Variants in DIP2A observed in about 807,000 individuals in gnomAD.
The protein encoded by DIP2A is DIP2 acetate--CoA ligase A, also known as disco-interacting protein 2 homolog A.
A neutral mutation model predicts 177.4 loss-of-function variants in DIP2A; 85 were observed. The ratio of observed to expected loss-of-function variants is 0.48; its 90% CI spans 0.40 to 0.57. The LOEUF (loss-of-function observed/expected upper bound fraction) is 0.57, where lower values mean the gene tolerates loss of function less well. DIP2A is among the 20% of genes least tolerant of loss of function. DIP2A has a pLI of 0.00. For missense variants in DIP2A, 1,791 were observed against 2,100.2 expected, an observed-to-expected ratio of 0.85 and a Z score of 2.88; for synonymous variants, 886 against 881.8, an observed-to-expected ratio of 1.00 and a Z score of -0.08.
intron 8 of DIP2A, among the ~76,000 whole-genome samples, chr21:46,515,003 A>G (rs2148653920): frequency 6.6e-6 from 1 of 152,298 alleles, no homozygotes; most frequent in African/African-American, 2.4e-5. Context: ...CTTGGCCATA[A>G]TATCTTACCC....
intron 21 of DIP2A, among the ~76,000 whole-genome samples, chr21:46,548,952 G>A (rs2060165405): frequency 6.6e-6 from 1 of 152,210 alleles, no homozygotes; most frequent in Non-Finnish European, 1.5e-5. Context: ...TCACTTTATT[G>A]TGCAGTTGTA....
At position 46,459,036 on chromosome 21, in the gene DIP2A, T is replaced by G; in HGVS notation, c.-96T>G. The G allele has an allele frequency of 2.0e-6, 2 of 1,018,354 alleles. No homozygotes were observed. The highest frequency in any genetic ancestry group is 2.7e-6 in the Non-Finnish European group (2 of 752,030). The allele number at this position is 1,018,354 out of a possible 1,614,324, so 63.1% of individuals were successfully genotyped here. On this transcript the variant is annotated 5_prime_UTR_variant, in exon 1 of 38. Transcript: ENST00000417564. ...CGCTCCTCGCCTGGCGGATGTAGGTTGTTGGCCTGAGGGGAGCTACGTAGC... is the reference window on the plus strand; with the variant it reads ...CGCTCCTCGCCTGGCGGATGTAGGTGGTTGGCCTGAGGGGAGCTACGTAGC...
chr21:46,468,301 G>C (rs1304926501), intron 1 of DIP2A, among the ~76,000 whole-genome samples: 1 of 144,018 alleles, frequency 6.9e-6, no homozygotes, highest in South Asian at 2.3e-4. Flanking sequence ...GGTGGTGCAC[G>C]CCTATAATCC....
At chr21:46,542,923 G>C (rs11701310) in intron 18 of DIP2A, among the ~76,000 whole-genome samples, 29,762 of 152,252 alleles carry the variant, frequency 0.2, 3,407 homozygotes, top group East Asian at 0.42. Context: ...CTCAGGTGCA[G>C]ACCCTGTCTG....
At chr21:46,461,279 A>AAAAAAAAAAAAAAAAG (rs2054286165) in intron 1 of DIP2A, among the ~76,000 whole-genome samples, 1 of 147,920 alleles carries the variant, frequency 6.8e-6, no homozygotes, top group African/African-American at 2.5e-5. Context: ...ACCAAAAAAA[A>AAAAAAAAAAAAAAAAG]AAAAAAAAAA....
In DIP2A at chr21:46,511,523, C is replaced by T. The variant is rs754120931; in HGVS notation, c.1011C>T (p.Ala337=). ...AGVPRPPSLL[A]TLQRWGTTQP... ...TCCCCCGACCGCCGTCGCTGTTGGC[C>T]ACCTTGCAGCGCTGGGGCACAACAC... The change falls in exon 8 of 38, where the codon GCC becomes GCT. Residue 337 remains alanine, a synonymous_variant. Transcript: ENST00000417564. 6 of 1,612,048 alleles carry T rather than the reference C, an allele frequency of 3.7e-6. No homozygotes were observed. The African/African-American group carries it at 5.3e-5, about 14-fold the overall frequency.
chr21:46,554,758 C>T (rs2060399445), intron 27 of DIP2A, 62 bp downstream of exon 27: 1 of 1,545,398 alleles, frequency 6.5e-7, no homozygotes, highest in Non-Finnish European at 8.7e-7. Flanking sequence ...CTGCCCTCCG[C>T]TGCCCCCTTT....
Position 46,550,565 on chromosome 21 carries a change from T to G in DIP2A, c.2660T>G (p.Val887Gly). The G allele has an allele frequency of 6.8e-6, 11 of 1,613,284 alleles. No homozygotes were observed. Among genetic ancestry groups the G allele is most frequent in the Non-Finnish European group, 8.5e-6 (10 of 1,179,668 alleles). ...CAGGCCATTGATAGCATCCACCAGG[T>G]GGGCGTGTACTGTCTGGCCCTGGTT... is the stretch of plus-strand genomic sequence containing the variant. ...VLQAIDSIHQ[V>G]GVYCLALVPA... Residue 887 changes from valine (V) to glycine (G), a missense_variant, in exon 23 of 38, where the codon GTG (valine) becomes GGG (glycine). Transcript: ENST00000417564.
At chr21:46,575,836 A>G in the DIP2A span, among the ~76,000 whole-genome samples, 1 of 152,246 alleles carries the variant, frequency 6.6e-6, no homozygotes, top group Non-Finnish European at 1.5e-5. Context: ...AAAGCCATCT[A>G]CAGATTCAAG....
chr21:46,516,159 T>A (rs1440514722), intron 8 of DIP2A, among the ~76,000 whole-genome samples: 2 of 152,200 alleles, frequency 1.3e-5, no homozygotes, highest in Non-Finnish European at 2.9e-5. Context: ...TGCAGCCGTC[T>A]TACTATGACA....
In DIP2A at chr21:46,546,904, CT is replaced by C. The variant is rs2060072300; in HGVS notation, c.2395-8del. On this transcript the variant is annotated splice_polypyrimidine_tract_variant and intron_variant, in intron 20 of 37. Transcript: ENST00000417564. Reference sequence around the variant, plus strand: ...TGTGGGTGGAGTCTTGACGCACACCCTTTCCCTCAGGACAACCTGGTCTTCA... The same window carrying C: ...TGTGGGTGGAGTCTTGACGCACACCCTTCCCTCAGGACAACCTGGTCTTCA... The C allele has an allele frequency of 6.2e-7, 1 of 1,613,390 alleles. No individual in the cohort carries two copies. Among genetic ancestry groups the C allele is most frequent in the South Asian group, 1.1e-5 (1 of 90,978 alleles).
At chr21:46,562,866 T>C (rs2060713326) in intron 34 of DIP2A, among the ~76,000 whole-genome samples, 2 of 152,144 alleles carry the variant, frequency 1.3e-5, no homozygotes, top group Admixed American at 6.5e-5. Flanking sequence ...CACAGGGACA[T>C]GTGAGCCGCC....
At chr21:46,511,082 C>T (rs984604440) in intron 7 of DIP2A, among the ~76,000 whole-genome samples, 3 of 152,144 alleles carry the variant, frequency 2.0e-5, no homozygotes, top group East Asian at 1.9e-4. Context: ...GGCTGTTCAC[C>T]GCTGTGGTGC....
chr21:46,472,210 G>C (rs1434581674), intron 1 of DIP2A, among the ~76,000 whole-genome samples: 1 of 152,210 alleles, frequency 6.6e-6, no homozygotes, highest in Non-Finnish European at 1.5e-5. Context: ...GACATAGGCA[G>C]CTGTCTGCAA....
rs116385924 is a variant in DIP2A at position 46,513,920 on chromosome 21, A to G, written c.1102+2306A>G. On this transcript the variant is annotated intron_variant, in intron 8 of 37. Transcript: ENST00000417564. ...TTCGGATAAGGGATACTCAACCTGTATTACAATTATGGAATCTTCCAGTTT... is the reference window on the plus strand; with the variant it reads ...TTCGGATAAGGGATACTCAACCTGTGTTACAATTATGGAATCTTCCAGTTT... Among the ~76,000 whole-genome samples the G allele has an allele frequency of 7.9e-3, 1,210 of 152,248 alleles. 15 individuals are homozygous for G. The highest frequency in any genetic ancestry group is 0.028 in the African/African-American group (1,150 of 41,536).
chr21:46,549,729 T>G (rs771295651), intron 21 of DIP2A, 42 bp from the exon 22 acceptor site: 1 of 1,609,090 alleles, frequency 6.2e-7, no homozygotes, highest in South Asian at 1.1e-5. Flanking sequence ...GTGTCTTGTT[T>G]GGCCTCTTGC....
chr21:46,550,803 G>C, intron 23 of DIP2A, 59 bp downstream of exon 23: 1 of 1,559,026 alleles, frequency 6.4e-7, no homozygotes, highest in Non-Finnish European at 8.8e-7. Context: ...AGCGGTGCTT[G>C]TGGTTAGGGT....
chr21:46,516,330 C>T (rs933436108), intron 8 of DIP2A, among the ~76,000 whole-genome samples: 1 of 151,212 alleles, frequency 6.6e-6, no homozygotes, highest in Non-Finnish European at 1.5e-5. Context: ...TTTTTTTCTT[C>T]TCTCCTTCTG....
rs762913719 is a variant in DIP2A, at chr21:46,554,645, G to A, written c.3225G>A (p.Pro1075=). ...CGCVPVTVRP[P]HPQNLGTTLP... ...GCGTGCCTGTCACCGTGCGGCCCCC[G>A]CACCCTCAGAACCTCGGCACCACAC... is the stretch of plus-strand genomic sequence containing the variant. Residue 1075 remains proline, a synonymous_variant, in exon 27 of 38, where the codon CCG becomes CCA. Transcript: ENST00000417564. 7.7e-5 allele frequency: 122 copies of A among 1,594,444 alleles called. 1 individual carries two copies. Among genetic ancestry groups the A allele is most frequent in the Middle Eastern group, 1.7e-4 (1 of 6,034 alleles).
Sources: allele counts gnomAD v4.1 joint callset (sites outside exome capture counted in the v4.1 genomes callset), GRCh38; gene constraint gnomAD v4.1.1; transcripts MANE v1.5; gene names NCBI Gene and HGNC (gene_info 2026-07-23, HGNC 2026-07-21).